ODF1: variants seen among roughly 807,000 people sequenced by gnomAD.
The protein encoded by ODF1 is outer dense fiber of sperm tails 1.
ODF1 carries 10 observed loss-of-function variants against 24.0 expected under a neutral mutation model. The ratio of observed to expected loss-of-function variants is 0.42; its 90% CI spans 0.26 to 0.71. The LOEUF (loss-of-function observed/expected upper bound fraction) is 0.71. Ranked by LOEUF, ODF1 falls within the 30% of genes least tolerant of loss-of-function variation. ODF1 has a pLI of 0.28. For synonymous variants in ODF1, 118 were observed against 121.3 expected (o/e 0.97, Z 0.18); for missense variants, 282 against 307.9 (o/e 0.92, Z 0.63).
intron 1 of ODF1, 77 bp downstream of exon 1, chr8:102,552,124 A>G (rs1587809831): frequency 2.0e-6 from 2 of 1,014,648 alleles, no homozygotes; most frequent in East Asian, 5.2e-5. Flanking sequence ...ATATGTGACA[A>G]TCAATAGTTG....
Position 102,560,772 on chromosome 8 carries a change from C to T in ODF1, c.641C>T (p.Pro214Leu), listed in dbSNP as rs1386367194. Reference protein sequence around the residue: ...PCTSPCSPCSPCSPCNPCSPC... With the variant: ...PCTSPCSPCSLCSPCNPCSPC... ...ACTTCTCCTTGCAGCCCCTGCAGCC[C>T]CTGCAGCCCCTGCAACCCCTGCAGC... is the stretch of plus-strand genomic sequence containing the variant. The change falls in exon 2 of 2, where the codon CCC (proline) becomes CTC (leucine). Residue 214 changes from proline (P) to leucine (L), a missense_variant. Physicochemically the swap from Pro to Leu is moderately conservative, Grantham distance 98. Transcript: ENST00000285402. 5 of 1,097,888 alleles carry T rather than the reference C, an allele frequency of 4.6e-6. No homozygotes were observed. The highest frequency in any genetic ancestry group is 1.4e-5 in the South Asian group (1 of 72,790). The allele number at this position is 1,097,888 out of a possible 1,614,324, so 68.0% of individuals were successfully genotyped here. A position where few individuals can be genotyped will look rare whatever the true frequency, so the allele number is the denominator to read the frequency against.
rs956754337 is a variant in ODF1 at position 102,560,876 on chromosome 8, A to G, written c.745A>G (p.Ile249Val). 1 of 1,609,382 alleles carries G rather than the reference A, an allele frequency of 6.2e-7. No homozygotes were observed. Among genetic ancestry groups the G allele is most frequent in the African/African-American group, 1.3e-5 (1 of 74,964 alleles). Residue 249 changes from isoleucine (I) to valine (V), a missense_variant, in exon 2 of 2, where the codon ATT (isoleucine) becomes GTT (valine). Transcript: ENST00000285402. ...CGSRFSCRKM[I>V]L Reference sequence around the variant, plus strand: ...AAGCCGATTTTCCTGTAGGAAGATGATTTTGTAAAGTGCGCATAGGAACCC... The same window carrying G: ...AAGCCGATTTTCCTGTAGGAAGATGGTTTTGTAAAGTGCGCATAGGAACCC...
chr8:102,558,189 C>T (rs538661391), intron 1 of ODF1, among the ~76,000 whole-genome samples: 8 of 152,292 alleles, frequency 5.3e-5, no homozygotes, highest in African/African-American at 9.6e-5. Flanking sequence ...CGGTGGCTCA[C>T]GCCTGTAATC....
At chr8:102,558,237 G>T (rs1355300275) in intron 1 of ODF1, among the ~76,000 whole-genome samples, 1 of 152,142 alleles carries the variant, frequency 6.6e-6, no homozygotes, top group Non-Finnish European at 1.5e-5. Context: ...GGATCACAAG[G>T]TCAGGAGATC....
intron 1 of ODF1, among the ~76,000 whole-genome samples, chr8:102,560,234 G>A (rs16869594): frequency 0.025 from 3,739 of 147,650 alleles, 153 homozygotes; most frequent in South Asian, 0.17. Flanking sequence ...CAGGCAGCAC[G>A]CATTCATTGT....
Position 102,552,020 on chromosome 8 carries a change from T to A in ODF1, c.293T>A (p.Ile98Lys), listed in dbSNP as rs745818448. Residue 98 changes from isoleucine to lysine, a missense_variant, in exon 1 of 2, where the codon ATA (isoleucine) becomes AAA (lysine). Physicochemically the swap from Ile to Lys is moderately radical, Grantham distance 102. Transcript: ENST00000285402. ...TTGGAGAGGAAAGCCATCAGAGCCATAGAAGATGAGAAGCGAGAGCTTGCC... is the reference window on the plus strand; with the variant it reads ...TTGGAGAGGAAAGCCATCAGAGCCAAAGAAGATGAGAAGCGAGAGCTTGCC... ...RSLERKAIRA[I>K]EDEKRELAKL... 6 of 1,598,770 alleles carry A rather than the reference T, an allele frequency of 3.8e-6. No homozygotes were observed. The African/African-American group carries it at 8.0e-5, about 21-fold the overall frequency.
chr8:102,552,106 A>G, intron 1 of ODF1, 59 bp downstream of exon 1: 1 of 1,228,416 alleles, frequency 8.1e-7, no homozygotes, highest in Non-Finnish European at 1.1e-6. Context: ...AAGTTGGAAT[A>G]AGGAAAAATA....
At chr8:102,554,041 C>T (rs1304783167) in intron 1 of ODF1, among the ~76,000 whole-genome samples, 1 of 152,008 alleles carries the variant, frequency 6.6e-6, no homozygotes, top group East Asian at 1.9e-4. Flanking sequence ...AATTTCTATG[C>T]TCTATTTCTG....
In ODF1 at chr8:102,551,827, C is replaced by T. The variant is rs577757103; in HGVS notation, c.100C>T (p.Arg34Trp). 181 of 1,614,130 alleles carry T rather than the reference C, an allele frequency of 1.1e-4. No individual in the cohort carries two copies. Among genetic ancestry groups the T allele is most frequent in the Middle Eastern group, 6.6e-4 (4 of 6,062 alleles). The change falls in exon 1 of 2, where the codon CGG (arginine) becomes TGG (tryptophan). Residue 34 changes from arginine to tryptophan, a missense_variant. Physicochemically the swap from Arg to Trp is moderately radical, Grantham distance 101. Transcript: ENST00000285402. Reference sequence around the variant, plus strand: ...GAGATGCATCGACGAATTTAGCACACGGTGCCTGTGCGACTTGTATATGCA... The same window carrying T: ...GAGATGCATCGACGAATTTAGCACATGGTGCCTGTGCGACTTGTATATGCA... ...QLRCIDEFST[R>W]CLCDLYMHPY...
At chr8:102,556,870 A>C (rs2248178) in intron 1 of ODF1, among the ~76,000 whole-genome samples, 128,253 of 152,194 alleles carry the variant, frequency 0.84, 54,344 homozygotes, top group Middle Eastern at 0.88. Context: ...TACTCCAATG[A>C]AGCCTAGAGG....
At chr8:102,553,014 AGAT>A (rs372866075) in intron 1 of ODF1, among the ~76,000 whole-genome samples, 2 of 62,328 alleles carry the variant, frequency 3.2e-5, no homozygotes, top group African/African-American at 1.2e-4. Context: ...ATAGATAGAT[AGAT>A]GATAGATAGA....
chr8:102,555,408 C>G (rs1469873108), intron 1 of ODF1, among the ~76,000 whole-genome samples: 1 of 152,202 alleles, frequency 6.6e-6, no homozygotes, highest in African/African-American at 2.4e-5. Flanking sequence ...CAGCTGTACT[C>G]TTTACCGGTA....
chr8:102,552,132 T>C lies in ODF1; in HGVS notation c.320+85T>C, dbSNP rs963102461. 4.2e-6 allele frequency: 4 copies of C among 960,078 alleles called. No individual in the cohort carries two copies. In the African/African-American group the frequency reaches 6.6e-5, roughly 16 times the overall value. The allele number at this position is 960,078 out of a possible 1,614,324, so 59.5% of individuals were successfully genotyped here. A position where few individuals can be genotyped will look rare whatever the true frequency, so the allele number is the denominator to read the frequency against. On this transcript the variant is annotated intron_variant, in intron 1 of 1. Transcript: ENST00000285402. ...AGGAAAAATATGTGACAATCAATAG[T>C]TGAACAAAGATTAAAAGGGTTCAGG...
intron 1 of ODF1, 90 bp downstream of exon 1, chr8:102,552,137 CA>C: frequency 1.1e-6 from 1 of 933,298 alleles, no homozygotes; most frequent in Middle Eastern, 2.5e-4. Context: ...AATAGTTGAA[CA>C]AAGATTAAAA....
intron 1 of ODF1, among the ~76,000 whole-genome samples, chr8:102,553,098 C>T (rs571420277): frequency 1.3e-5 from 2 of 151,514 alleles, no homozygotes; most frequent in African/African-American, 2.4e-5. Flanking sequence ...TGCATTGGCT[C>T]ATGCCAGTAA....
In ODF1 at chr8:102,553,754, T is replaced by C. The variant is rs1014182983; in HGVS notation, c.320+1707T>C. On this transcript the variant is annotated intron_variant, in intron 1 of 1. Coordinates refer to ENST00000285402, the MANE Select transcript of ODF1 (RefSeq NM_024410.4). ...TGCTGTCTACTCTCTTGATGCCTCT[T>C]TCAGAAGCCTTGTTTCTTGGCATGC... is the stretch of plus-strand genomic sequence containing the variant. 1.7e-4 allele frequency among the ~76,000 whole-genome samples: 26 copies of C among 152,214 alleles called. 1 individual carries two copies. The highest frequency in any genetic ancestry group is 1.3e-4 in the Admixed American group (2 of 15,286).
intron 1 of ODF1, among the ~76,000 whole-genome samples, chr8:102,556,017 A>C (rs1006876250): frequency 6.6e-6 from 1 of 152,248 alleles, no homozygotes; most frequent in South Asian, 2.1e-4. Flanking sequence ...GCTTCAGATT[A>C]GGGCAAGTCC....
Position 102,552,030 on chromosome 8 carries a change from G to C in ODF1, c.303G>C (p.Glu101Asp), listed in dbSNP as rs1390047637. ...AAGCCATCAGAGCCATAGAAGATGA[G>C]AAGCGAGAGCTTGCCAAGTAAAATA... ...ERKAIRAIED[E>D]KRELAKLRRT... The change falls in exon 1 of 2, where the codon GAG becomes GAC. Residue 101 changes from glutamate (E) to aspartate (D), a missense_variant. Glu to Asp is a conservative substitution (Grantham distance 45, BLOSUM62 2). Transcript: ENST00000285402. 1 of 1,589,378 alleles carries C rather than the reference G, an allele frequency of 6.3e-7. No individual in the cohort carries two copies. Among genetic ancestry groups the C allele is most frequent in the Non-Finnish European group, 8.6e-7 (1 of 1,163,510 alleles).
chr8:102,553,021 A>AGAT (rs1272910259), intron 1 of ODF1, among the ~76,000 whole-genome samples: 638 of 26,598 alleles, frequency 0.024, 3 homozygotes, highest in African/African-American at 0.049. Context: ...GATAGATGAT[A>AGAT]GATAGATAGA....
Sources: allele counts gnomAD v4.1 joint callset (sites outside exome capture counted in the v4.1 genomes callset), GRCh38; gene constraint gnomAD v4.1.1; transcripts MANE v1.5; gene names NCBI Gene and HGNC (gene_info 2026-07-23, HGNC 2026-07-21).